The following ZC3H7B variants were observed in gnomAD, a reference collection of about 807,000 sequenced individuals.
ZC3H7B encodes zinc finger CCCH domain-containing protein 7B.
ZC3H7B carries 35 observed loss-of-function variants against 116.0 expected under a neutral mutation model. The observed-to-expected ratio is 0.30, with a 90% CI of 0.23 to 0.40. The LOEUF (loss-of-function observed/expected upper bound fraction) is 0.40, where lower values mean the gene tolerates loss of function less well. ZC3H7B is among the 10% of genes least tolerant of loss of function. The probability of loss-of-function intolerance (pLI) is 1.00; values close to 1 mark genes in which losing one functional copy is unlikely to be tolerated. For missense variants in ZC3H7B, 1,011 were observed against 1,321.5 expected (o/e 0.77, Z 3.64); for synonymous variants, 502 against 545.6 (o/e 0.92, Z 1.11).
chr22:41,321,829 CTTTTTTTTTTTTTTTTT>C (rs199611879), intron 2 of ZC3H7B, among the ~76,000 whole-genome samples: 2 of 90,972 alleles, frequency 2.2e-5, no homozygotes, highest in Non-Finnish European at 4.0e-5. Flanking sequence ...AACTCACATT[CTTTTTTTTTTTTTTTTT>C]TTTTTTTTTT....
At position 41,319,197 on chromosome 22, in the gene ZC3H7B, C is replaced by T. The variant is rs370799806; in HGVS notation, c.-6-1458C>T. On this transcript the variant is annotated intron_variant, in intron 1 of 22. Coordinates refer to ENST00000352645, the MANE Select transcript of ZC3H7B (RefSeq NM_017590.6). ...TGGGCAGATCACGAGGTCAGGCGAT[C>T]GAGACCATCCTGGCTAACACGGTGA... 3.6e-4 allele frequency among the ~76,000 whole-genome samples: 55 copies of T among 152,142 alleles called. No homozygotes were observed. In the East Asian group the frequency reaches 6.4e-3, roughly 18 times the overall value.
chr22:41,320,147 A>T (rs2036236198), intron 1 of ZC3H7B, among the ~76,000 whole-genome samples: 2 of 151,978 alleles, frequency 1.3e-5, no homozygotes, highest in Non-Finnish European at 2.9e-5. Context: ...AGCCTGGTCA[A>T]CATGGCGAAA....
At position 41,354,711 on chromosome 22, in the gene ZC3H7B, G is replaced by C. The variant is rs555411098; in HGVS notation, c.2035-758G>C. Among the ~76,000 whole-genome samples the C allele has an allele frequency of 5.3e-5, 8 of 152,330 alleles. No individual in the cohort carries two copies. The South Asian group carries it at 1.5e-3, about 28-fold the overall frequency. On this transcript the variant is annotated intron_variant, in intron 17 of 22. Transcript: ENST00000352645. The stretch of plus-strand genomic sequence containing the variant: ...GTTCAAGGTGGCAGGAGACAAGGCA[G>C]AGTGAGCATTTTTCCTACCTCTGGC...
intron 2 of ZC3H7B, among the ~76,000 whole-genome samples, chr22:41,323,169 C>T (rs2036278392): frequency 6.6e-6 from 1 of 152,232 alleles, no homozygotes; most frequent in Non-Finnish European, 1.5e-5. Context: ...CACCCCTTCC[C>T]TGGGCTGTTG....
At chr22:41,323,953 C>T (rs1461841154) in intron 2 of ZC3H7B, among the ~76,000 whole-genome samples, 4 of 152,060 alleles carry the variant, frequency 2.6e-5, no homozygotes, top group African/African-American at 9.7e-5. Flanking sequence ...GCTTGTAGTC[C>T]CAGCTACTCT....
At chr22:41,325,697 C>T (rs765948562) in intron 3 of ZC3H7B, 24 bp from the exon 4 acceptor site, 1 of 1,609,366 alleles carries the variant, frequency 6.2e-7, no homozygotes. Flanking sequence ...GTCATGAGCC[C>T]CCTACACACC....
intron 1 of ZC3H7B, among the ~76,000 whole-genome samples, chr22:41,307,245 G>A (rs1569228765): frequency 6.6e-6 from 1 of 152,130 alleles, no homozygotes; most frequent in Non-Finnish European, 1.5e-5. Context: ...CTACTGCTGG[G>A]ATTATAGGCA....
At chr22:41,314,602 TA>T (rs2036157460) in intron 1 of ZC3H7B, among the ~76,000 whole-genome samples, 1 of 150,900 alleles carries the variant, frequency 6.6e-6, no homozygotes, top group African/African-American at 2.4e-5. Flanking sequence ...TCATCATTAT[TA>T]TTTTTTTATT....
rs2035988272 is a variant in ZC3H7B, at chr22:41,302,758, C to G, written c.-7+986C>G. ...AATAATCATATAAAAACAGCTCACTCTGATAGAACCTGATGGCTGTATTGC... is the reference window on the plus strand; with the variant it reads ...AATAATCATATAAAAACAGCTCACTGTGATAGAACCTGATGGCTGTATTGC... On this transcript the variant is annotated intron_variant, in intron 1 of 22. Transcript: ENST00000352645. This position sits in a 1 kb window ranked among gnomAD's most constrained non-coding sequence, Gnocchi z 5.7. Among the ~76,000 whole-genome samples, 1 of 152,044 alleles carries G rather than the reference C, an allele frequency of 6.6e-6. No individual in the cohort carries two copies. The highest frequency in any genetic ancestry group is 1.9e-4 in the East Asian group (1 of 5,168).
chr22:41,316,362 C>G (rs1165112331), intron 1 of ZC3H7B, among the ~76,000 whole-genome samples: 3 of 150,534 alleles, frequency 2.0e-5, no homozygotes, highest in African/African-American at 4.9e-5. Flanking sequence ...GCGGCGTGAT[C>G]TTGGCTCACT....
chr22:41,325,526 CG>C, intron 2 of ZC3H7B, 37 bp from the exon 3 acceptor site: 1 of 1,596,670 alleles, frequency 6.3e-7, no homozygotes, highest in South Asian at 1.1e-5. Flanking sequence ...CTGGGACCGC[CG>C]GGCTCACCCA....
chr22:41,329,361 C>G (rs1001962902), intron 5 of ZC3H7B, among the ~76,000 whole-genome samples: 1 of 149,748 alleles, frequency 6.7e-6, no homozygotes, highest in African/African-American at 2.5e-5. Context: ...TGAGTTCAAG[C>G]GATTCTCCTG....
chr22:41,342,474 C>T, intron 11 of ZC3H7B, 55 bp from the exon 12 acceptor site: 2 of 1,566,360 alleles, frequency 1.3e-6, no homozygotes, highest in Non-Finnish European at 1.8e-6. Context: ...TGGCTGGCCC[C>T]AGTGGCCTCA....
At chr22:41,326,720 G>A (rs1022850988) in intron 4 of ZC3H7B, among the ~76,000 whole-genome samples, 11 of 152,184 alleles carry the variant, frequency 7.2e-5, no homozygotes, top group Non-Finnish European at 1.5e-4. Flanking sequence ...TCTGCTGCAG[G>A]CTCTCTAGAG....
chr22:41,325,413 C>A, intron 2 of ZC3H7B, 151 bp from the exon 3 acceptor site: 2 of 1,024,824 alleles, frequency 2.0e-6, no homozygotes, highest in Non-Finnish European at 2.9e-6. Flanking sequence ...GGAAGGCCTG[C>A]ATGGCAATGA....
rs2036015507 is a variant in ZC3H7B at position 41,304,486 on chromosome 22, G to A, written c.-7+2714G>A. On this transcript the variant is annotated intron_variant, in intron 1 of 22. Coordinates refer to ENST00000352645, the MANE Select transcript of ZC3H7B (RefSeq NM_017590.6). The stretch of plus-strand genomic sequence containing the variant: ...CCTCTTGTGAGATGCTGTGGGGCAG[G>A]TTTGCAATTGACTTTGTCATTTATT... 2.0e-5 allele frequency among the ~76,000 whole-genome samples: 3 copies of A among 152,152 alleles called. No homozygotes were observed. The South Asian group carries it at 6.2e-4, about 31-fold the overall frequency.
intron 1 of ZC3H7B, among the ~76,000 whole-genome samples, chr22:41,305,492 A>G (rs1336125532): frequency 1.3e-5 from 2 of 152,148 alleles, no homozygotes; most frequent in East Asian, 3.9e-4. Context: ...CCTGGGCAAC[A>G]GAGTGAAACT....
In ZC3H7B at chr22:41,328,473, G is replaced by A. The variant is rs577038334; in HGVS notation, c.444+1109G>A. ...TGGCCTCTAGGAGATTGTCAGTGAG[G>A]TAGGAGGTAGACACGTGCACAGATG... On this transcript the variant is annotated intron_variant, in intron 5 of 22. Transcript: ENST00000352645. 9.2e-5 allele frequency among the ~76,000 whole-genome samples: 14 copies of A among 152,288 alleles called. No homozygotes were observed. The East Asian group carries it at 2.3e-3, about 25-fold the overall frequency.
chr22:41,347,430 C>G (rs2036601196), intron 14 of ZC3H7B, among the ~76,000 whole-genome samples: 1 of 151,686 alleles, frequency 6.6e-6, no homozygotes, highest in African/African-American at 2.4e-5. Flanking sequence ...AACCTCTCAG[C>G]TGGACTCTGA....
Sources: allele counts gnomAD v4.1 joint callset (sites outside exome capture counted in the v4.1 genomes callset), GRCh38; gene constraint gnomAD v4.1.1; non-coding constraint Gnocchi (gnomAD v3.1); transcripts MANE v1.5; gene names NCBI Gene and HGNC (gene_info 2026-07-23, HGNC 2026-07-21).